The following KIAA1217 variants were observed in gnomAD, a reference collection of about 807,000 sequenced individuals.
The protein encoded by KIAA1217 is KIAA1217, also known as sickle tail protein homolog.
KIAA1217 carries 88 observed loss-of-function variants against 163.9 expected under a neutral mutation model. The observed-to-expected ratio is 0.54, with a 90% confidence interval of 0.45 to 0.64. KIAA1217 has a LOEUF of 0.64. Among genes scored for constraint, KIAA1217 ranks in the 30% least tolerant of loss-of-function variants. The pLI, the probability that KIAA1217 is intolerant of heterozygous loss-of-function variation, is 0.00. For synonymous variants in KIAA1217, 903 were observed against 923.1 expected (o/e 0.98, Z 0.39); for missense variants, 2,372 against 2,475.0 (o/e 0.96, Z 0.88).
At chr10:23,748,529 G>A (rs1274080153) in intron 1 of KIAA1217, among the ~76,000 whole-genome samples, 1 of 74,928 alleles carries the variant, frequency 1.3e-5, no homozygotes, top group Non-Finnish European at 2.5e-5. Flanking sequence ...AAAGGAAGGA[G>A]AGGGGAGGGG....
chr10:24,184,598 G>A (rs2066333105), intron 2 of KIAA1217, among the ~76,000 whole-genome samples: 1 of 152,154 alleles, frequency 6.6e-6, no homozygotes, highest in Non-Finnish European at 1.5e-5. Flanking sequence ...TGAGGCCAAA[G>A]CCCCATTTTG....
rs1253364565 is a variant in KIAA1217 at position 23,792,422 on chromosome 10, G to A, written c.-321+97188G>A. Among the ~76,000 whole-genome samples, 4 of 151,962 alleles carry A rather than the reference G, an allele frequency of 2.6e-5. No homozygotes were observed. The East Asian group carries it at 7.7e-4, about 29-fold the overall frequency. ...TTTCCGCATATTAGTCTTTTTGAAT[G>A]GACCTAACTTGAATGTCATTACTGT... On this transcript the variant is annotated intron_variant, in intron 1 of 18. Coordinates refer to the KIAA1217 transcript ENST00000376462.
At chr10:24,521,536 C>T (rs1218306499) in intron 11 of KIAA1217, among the ~76,000 whole-genome samples, 1 of 152,010 alleles carries the variant, frequency 6.6e-6, no homozygotes, top group African/African-American at 2.4e-5. Context: ...ATAATAATAA[C>T]CCTAATGGTC....
chr10:24,086,943 G>C (rs2061718472), intron 2 of KIAA1217, among the ~76,000 whole-genome samples: 1 of 152,106 alleles, frequency 6.6e-6, no homozygotes, highest in Non-Finnish European at 1.5e-5. Context: ...TTTCCAGCTG[G>C]TACAGGGAAG....
At chr10:24,423,771 A>G (rs1035299067) in intron 3 of KIAA1217, among the ~76,000 whole-genome samples, 7 of 152,162 alleles carry the variant, frequency 4.6e-5, no homozygotes. Flanking sequence ...CCTAACCTCA[A>G]GTGATCCACC....
At chr10:24,024,600 G>A (rs1847865141) in intron 2 of KIAA1217, among the ~76,000 whole-genome samples, 5 of 151,178 alleles carry the variant, frequency 3.3e-5, no homozygotes, top group Admixed American at 3.3e-4. Context: ...AGAATTGCTG[G>A]GTCATAAATA....
intron 1 of KIAA1217, among the ~76,000 whole-genome samples, chr10:23,920,368 G>T (rs1025600989): frequency 6.6e-6 from 1 of 152,014 alleles, no homozygotes; most frequent in Non-Finnish European, 1.5e-5. Flanking sequence ...TGGTAAGGTC[G>T]CTGACTGGCT....
intron 1 of KIAA1217, among the ~76,000 whole-genome samples, chr10:24,001,889 A>C (rs1260979222): frequency 6.6e-6 from 1 of 152,064 alleles, no homozygotes; most frequent in African/African-American, 2.4e-5. Flanking sequence ...GGTATCTTGC[A>C]GGCTGTGTAG....
chr10:24,248,892 ACAAGT>A (rs2074162649), intron 2 of KIAA1217, among the ~76,000 whole-genome samples: 7 of 152,176 alleles, frequency 4.6e-5, no homozygotes, highest in Admixed American at 6.5e-5. Context: ...TTATAGCAAG[ACAAGT>A]CAAGAATAGA....
At chr10:23,926,899 A>G (rs1843044844) in intron 1 of KIAA1217, among the ~76,000 whole-genome samples, 1 of 151,480 alleles carries the variant, frequency 6.6e-6, no homozygotes, top group African/African-American at 2.4e-5. Context: ...CTATTTATTT[A>G]TCTGTTTATT....
chr10:24,507,037 A>G (rs983312913), intron 9 of KIAA1217, among the ~76,000 whole-genome samples: 3 of 152,246 alleles, frequency 2.0e-5, no homozygotes, highest in Non-Finnish European at 4.4e-5. Flanking sequence ...TTGAAAAGCA[A>G]AAAGCGAAGA....
chr10:24,245,724 C>T (rs74683018), intron 2 of KIAA1217, among the ~76,000 whole-genome samples: 38,361 of 151,820 alleles, frequency 0.25, 5,904 homozygotes, highest in East Asian at 0.37. Context: ...CTCAACCTCC[C>T]GGGCTCAAGC....
At chr10:23,700,589 T>C (rs1044020383) in intron 1 of KIAA1217, among the ~76,000 whole-genome samples, 9 of 152,208 alleles carry the variant, frequency 5.9e-5, no homozygotes, top group Admixed American at 3.3e-4. Context: ...AACTTCCCTC[T>C]TTAATCACCA....
rs552510678 is a variant in KIAA1217, at chr10:23,704,194, A to G, written c.-321+8960A>G. Among the ~76,000 whole-genome samples, 36 of 124,984 alleles carry G rather than the reference A, an allele frequency of 2.9e-4. 2 individuals carry two copies. Among genetic ancestry groups the G allele is most frequent in the Middle Eastern group, 4.0e-3 (1 of 252 alleles). The allele number at this position is 124,984 out of a possible 152,430, so 82.0% of individuals were successfully genotyped here. A position where few individuals can be genotyped will look rare whatever the true frequency, so the allele number is the denominator to read the frequency against. On this transcript the variant is annotated intron_variant, in intron 1 of 18. Transcript: ENST00000376462. ...TGTGTATATATATATATATATATATATATATATATATATATATAGTGAGCT... is the reference window on the plus strand; with the variant it reads ...TGTGTATATATATATATATATATATGTATATATATATATATATAGTGAGCT...
Position 24,136,818 on chromosome 10 carries a change from G to A in KIAA1217, c.-170-82808G>A, listed in dbSNP as rs1198861863. 4.6e-5 allele frequency among the ~76,000 whole-genome samples: 7 copies of A among 152,326 alleles called. No individual in the cohort carries two copies. The East Asian group carries it at 5.8e-4, about 13-fold the overall frequency. ...CTTTGCAGTAAGAGGGAGGTTCTGC[G>A]TGGTCCTTGAAATTCACTCAGAGTG... On this transcript the variant is annotated intron_variant, in intron 2 of 18. Coordinates refer to the KIAA1217 transcript ENST00000376462.
Position 23,695,863 on chromosome 10 carries a change from C to G in KIAA1217, c.-321+629C>G, listed in dbSNP as rs1287505460. On this transcript the variant is annotated intron_variant, in intron 1 of 18. Coordinates refer to the KIAA1217 transcript ENST00000376462. This position sits in a 1 kb window ranked among gnomAD's most constrained non-coding sequence, Gnocchi z 4.9. The stretch of plus-strand genomic sequence containing the variant: ...GGGTCGCTACGGTTGATGTTGGGCG[C>G]CTTTGGAAGCTGGTCATTAATTCTT... Among the ~76,000 whole-genome samples, 1 of 152,150 alleles carries G rather than the reference C, an allele frequency of 6.6e-6. No individual in the cohort carries two copies. The highest frequency in any genetic ancestry group is 2.4e-5 in the African/African-American group (1 of 41,448).
At chr10:24,372,977 C>T (rs950467135) in intron 2 of KIAA1217, among the ~76,000 whole-genome samples, 2 of 152,198 alleles carry the variant, frequency 1.3e-5, no homozygotes, top group African/African-American at 4.8e-5. Flanking sequence ...AGAAATTCAT[C>T]CTCATCATAT....
rs1357360991 is a variant in KIAA1217 at position 23,695,846 on chromosome 10, A to G, written c.-321+612A>G. ...GGCGAATGTGACGCTTAGGGTCGCT[A>G]CGGTTGATGTTGGGCGCCTTTGGAA... On this transcript the variant is annotated intron_variant, in intron 1 of 18. Coordinates refer to the KIAA1217 transcript ENST00000376462. This position sits in a 1 kb window ranked among gnomAD's most constrained non-coding sequence, Gnocchi z 4.9. Among the ~76,000 whole-genome samples the G allele has an allele frequency of 2.6e-5, 4 of 152,126 alleles. No homozygotes were observed. The highest frequency in any genetic ancestry group is 5.9e-5 in the Non-Finnish European group (4 of 68,006).
At chr10:24,541,935 A>G (rs1429925872) in intron 17 of KIAA1217, among the ~76,000 whole-genome samples, 1 of 152,214 alleles carries the variant, frequency 6.6e-6, no homozygotes, top group Admixed American at 6.5e-5. Flanking sequence ...TTGTAACAGC[A>G]TGATGGATAT....
Sources: gnomAD v4.1 joint callset for allele counts (sites outside exome capture counted in the v4.1 genomes callset) on GRCh38, gnomAD v4.1.1 for gene constraint, Gnocchi (gnomAD v3.1) non-coding constraint, MANE v1.5 for transcripts, NCBI Gene and HGNC (gene_info 2026-07-23, HGNC 2026-07-21) for gene names.